The following TBCE variants were observed in gnomAD, a reference collection of about 807,000 sequenced individuals.
The protein encoded by TBCE is tubulin-specific chaperone E.
In TBCE, 53 loss-of-function variants were observed where a neutral mutation model predicts 77.0. That is an observed-to-expected ratio of 0.69 (90% CI 0.55 to 0.87). TBCE has a LOEUF of 0.87. TBCE is among the 40% of genes least tolerant of loss of function. The pLI is 0.00. For synonymous variants in TBCE, 235 were observed against 241.3 expected (o/e 0.97, Z 0.24); for missense variants, 624 against 622.4 (o/e 1.00, Z -0.03).
chr1:235,400,741 C>T (rs1268905970), intron 2 of TBCE, among the ~76,000 whole-genome samples: 5 of 149,836 alleles, frequency 3.3e-5, no homozygotes, highest in African/African-American at 1.2e-4. Context: ...GTTGCCCAGG[C>T]TGGAGTGCAG....
chr1:235,377,243 G>A (rs1040778813), intron 1 of TBCE, among the ~76,000 whole-genome samples: 2 of 152,164 alleles, frequency 1.3e-5, no homozygotes, highest in Non-Finnish European at 2.9e-5. Flanking sequence ...GCAGTGGCAC[G>A]ATCTTGGCTC....
intron 3 of TBCE, among the ~76,000 whole-genome samples, chr1:235,411,411 G>T (rs1355865170): frequency 6.6e-6 from 1 of 152,168 alleles, no homozygotes; most frequent in African/African-American, 2.4e-5. Flanking sequence ...CCCAGTCAGT[G>T]CTGCAGACTA....
At chr1:235,371,978 T>C (rs1220156571) in intron 1 of TBCE, among the ~76,000 whole-genome samples, 3 of 151,152 alleles carry the variant, frequency 2.0e-5, no homozygotes, top group Non-Finnish European at 4.4e-5. Context: ...CTGCCCTTTT[T>C]TTCATTTTTT....
intron 4 of TBCE, chr1:235,414,939 T>C (rs1406031811): frequency 1.1e-5 from 4 of 353,164 alleles, no homozygotes; most frequent in African/African-American, 6.4e-5. Context: ...ATGGTGATGA[T>C]GGTAAGTTGG....
intron 9 of TBCE, chr1:235,436,114 G>C: frequency 1.7e-6 from 1 of 600,270 alleles, no homozygotes; most frequent in South Asian, 2.0e-5. Flanking sequence ...ATTAAACTCC[G>C]GGCAGTAGAC....
intron 2 of TBCE, among the ~76,000 whole-genome samples, chr1:235,396,241 G>A (rs1678711410): frequency 6.6e-6 from 1 of 151,728 alleles, no homozygotes; most frequent in Admixed American, 6.6e-5. Flanking sequence ...TGTATTTTTA[G>A]TAGAGATGGG....
In TBCE at chr1:235,437,279, T is replaced by C. The variant is rs1681524086; in HGVS notation, c.964-43T>C. 6.8e-6 allele frequency: 11 copies of C among 1,613,676 alleles called. 1 individual carries two copies. In the South Asian group the frequency reaches 1.1e-4, roughly 16 times the overall value. ...GGTTCAAACTTCTGCAAAAGTGGCA[T>C]GAACGTACCGCTTTTCATTTATTTC... is the stretch of plus-strand genomic sequence containing the variant. On this transcript the variant is annotated intron_variant, in intron 11 of 16. Coordinates refer to ENST00000642610, the MANE Select transcript of TBCE (RefSeq NM_003193.5).
At position 235,436,600 on chromosome 1, in the gene TBCE, A is replaced by G; in HGVS notation, c.955A>G (p.Ile319Val). 6.2e-7 allele frequency: 1 copy of G among 1,613,800 alleles called. No homozygotes were observed. Among genetic ancestry groups the G allele is most frequent in the Non-Finnish European group, 8.5e-7 (1 of 1,179,700 alleles). Residue 319 changes from isoleucine (I) to valine (V), a missense_variant, in exon 11 of 17, where the codon ATA (isoleucine) becomes GTA (valine). Physicochemically the swap from Ile to Val is conservative, Grantham distance 29. Coordinates refer to ENST00000642610, the MANE Select transcript of TBCE (RefSeq NM_003193.5). ...LKYLVVNDNQISQWSFFNELE... is the reference protein window; with the variant it reads ...LKYLVVNDNQVSQWSFFNELE... ...GTACCTGGTAGTAAACGACAATCAG[A>G]TATCACAAGTAAGAGCTGCTCGGAG...
chr1:235,439,287 C>A (rs576688663), intron 13 of TBCE, among the ~76,000 whole-genome samples: 2 of 149,026 alleles, frequency 1.3e-5, no homozygotes, highest in African/African-American at 5.0e-5. Context: ...GTCAGGAGAT[C>A]GAGACCATCC....
chr1:235,424,417 C>T (rs1680582604), intron 5 of TBCE, among the ~76,000 whole-genome samples: 1 of 66,414 alleles, frequency 1.5e-5, no homozygotes, highest in South Asian at 3.5e-4. Flanking sequence ...CTTCTGGCAC[C>T]CAGGTTCAAG....
At chr1:235,402,252 C>T (rs560351473) in intron 3 of TBCE, among the ~76,000 whole-genome samples, 4 of 151,840 alleles carry the variant, frequency 2.6e-5, no homozygotes, top group South Asian at 2.1e-4. Context: ...TTAGTGGAGA[C>T]GAGGTTTCAC....
intron 2 of TBCE, among the ~76,000 whole-genome samples, chr1:235,400,996 G>A (rs1679070356): frequency 6.6e-6 from 1 of 150,784 alleles, no homozygotes; most frequent in Non-Finnish European, 1.5e-5. Context: ...AAGCCACTGT[G>A]CCTGGGCTTT....
intron 2 of TBCE, among the ~76,000 whole-genome samples, chr1:235,380,732 GTAAA>G (rs1393070452): frequency 6.6e-6 from 1 of 151,996 alleles, no homozygotes; most frequent in Non-Finnish European, 1.5e-5. Flanking sequence ...AGTTTTTAGA[GTAAA>G]TAATAATGTA....
chr1:235,441,574 A>G, intron 13 of TBCE: 2 of 544,584 alleles, frequency 3.7e-6, no homozygotes, highest in Non-Finnish European at 3.3e-6. Context: ...TTCACTGGTC[A>G]TTAACAATGA....
In TBCE at chr1:235,449,982, CCAA is replaced by C; in HGVS notation, c.*1221_*1223del. ...AACTTGGTATTTTTCTGATAATCTT[CCAA>C]TAGATAAATAAAAACTTTTCTTATG... On this transcript the variant is annotated 3_prime_UTR_variant, in exon 17 of 17. Coordinates refer to ENST00000642610, the MANE Select transcript of TBCE (RefSeq NM_003193.5). The C allele has an allele frequency of 2.5e-6, 1 of 401,396 alleles. No individual in the cohort carries two copies. Among genetic ancestry groups the C allele is most frequent in the Admixed American group, 4.1e-5 (1 of 24,506 alleles). The allele number at this position is 401,396 out of a possible 1,614,324, so 24.9% of individuals were successfully genotyped here.
At chr1:235,440,126 A>G (rs1027958166) in intron 13 of TBCE, among the ~76,000 whole-genome samples, 1 of 151,894 alleles carries the variant, frequency 6.6e-6, no homozygotes, top group Admixed American at 6.6e-5. Flanking sequence ...GCCCACCACC[A>G]CACCCGGCTA....
intron 2 of TBCE, among the ~76,000 whole-genome samples, chr1:235,388,894 A>ATAG (rs1350031369): frequency 6.6e-6 from 1 of 152,196 alleles, no homozygotes; most frequent in Non-Finnish European, 1.5e-5. Flanking sequence ...TGCTCTGAAG[A>ATAG]TAGAGTGGCC....
intron 3 of TBCE, among the ~76,000 whole-genome samples, chr1:235,402,223 C>G (rs1270332511): frequency 6.6e-6 from 1 of 152,022 alleles, no homozygotes; most frequent in Admixed American, 6.6e-5. Flanking sequence ...ACGACCACGC[C>G]TGGCTAATTT....
chr1:235,397,528 C>G (rs185255744), intron 2 of TBCE, among the ~76,000 whole-genome samples: 18 of 152,252 alleles, frequency 1.2e-4, no homozygotes, highest in Admixed American at 2.0e-4. Context: ...TTGATTGTTT[C>G]TTTCGCTATG....
Sources: gnomAD v4.1 joint callset for allele counts (sites outside exome capture counted in the v4.1 genomes callset) on GRCh38, gnomAD v4.1.1 for gene constraint, MANE v1.5 for transcripts, NCBI Gene and HGNC (gene_info 2026-07-23, HGNC 2026-07-21) for gene names.